DOLPP1: variants seen among roughly 807,000 people sequenced by gnomAD.
DOLPP1 encodes dolichyldiphosphatase 1.
DOLPP1 carries 15 observed loss-of-function variants against 34.1 expected under a neutral mutation model. The ratio of observed to expected loss-of-function variants is 0.44; its 90% CI spans 0.29 to 0.68. DOLPP1 has a LOEUF of 0.68. DOLPP1 is among the 30% of genes least tolerant of loss of function. The probability of loss-of-function intolerance (pLI) is 0.12; values close to 1 mark genes in which losing one functional copy is unlikely to be tolerated. For missense variants in DOLPP1, 249 were observed against 307.1 expected, an observed-to-expected ratio of 0.81 and a Z score of 1.41; for synonymous variants, 130 against 128.2, an observed-to-expected ratio of 1.01 and a Z score of -0.10.
intron 2 of DOLPP1, 22 bp downstream of exon 2, chr9:129,084,790 C>G: frequency 5.2e-6 from 8 of 1,533,838 alleles, no homozygotes; most frequent in Non-Finnish European, 7.2e-6. Flanking sequence ...TTGCCCACAC[C>G]CTCCCCACCC....
intron 7 of DOLPP1, 118 bp downstream of exon 7, chr9:129,086,916 T>C: frequency 3.7e-6 from 3 of 807,884 alleles, no homozygotes; most frequent in South Asian, 3.0e-5. Context: ...CATTAACTCA[T>C]TGAATCCTGC....
At position 129,090,141 on chromosome 9, in the gene DOLPP1, G is replaced by A. The variant is rs1588434361; in HGVS notation, c.*1134G>A. On this transcript the variant is annotated 3_prime_UTR_variant, in exon 8 of 8. Transcript: ENST00000372546. ...TTTGAGGACTGAACTGGGTCACTCGGGATCTGTGTTCGAATCCTCCCCACC... is the reference window on the plus strand; with the variant it reads ...TTTGAGGACTGAACTGGGTCACTCGAGATCTGTGTTCGAATCCTCCCCACC... 1 of 152,684 alleles carries A rather than the reference G, an allele frequency of 6.5e-6. No individual in the cohort carries two copies. Among genetic ancestry groups the A allele is most frequent in the South Asian group, 2.1e-4 (1 of 4,830 alleles). The allele number at this position is 152,684 out of a possible 1,614,324, so 9.5% of individuals were successfully genotyped here.
chr9:129,087,531 T>C (rs1446896261), intron 7 of DOLPP1, among the ~76,000 whole-genome samples: 1 of 152,026 alleles, frequency 6.6e-6, no homozygotes, highest in Non-Finnish European at 1.5e-5. Context: ...TTAGCCAGGA[T>C]GGTCTCAATC....
chr9:129,088,216 A>T (rs1847031008), intron 7 of DOLPP1, among the ~76,000 whole-genome samples: 1 of 151,134 alleles, frequency 6.6e-6, no homozygotes, highest in South Asian at 2.1e-4. Flanking sequence ...AAACGTTCTC[A>T]GCAGAGGGAA....
intron 7 of DOLPP1, among the ~76,000 whole-genome samples, chr9:129,087,327 T>TG (rs1313726486): frequency 5.3e-5 from 8 of 150,278 alleles, no homozygotes; most frequent in Admixed American, 5.3e-4. Context: ...TCTTTTTTTT[T>TG]TTTTTTGAGA....
chr9:129,088,289 G>C (rs944831485), intron 7 of DOLPP1, among the ~76,000 whole-genome samples: 1 of 152,238 alleles, frequency 6.6e-6, no homozygotes, highest in South Asian at 2.1e-4. Context: ...GGCTGCCGGG[G>C]CTGGAGCCCA....
In DOLPP1 at chr9:129,085,148, G is replaced by C; in HGVS notation, c.262+41G>C. ...CGAGGGCCTGAGGTTCCCCCAGGTT[G>C]GGGCGTTACTGGGAGGTCTGCATCC... On this transcript the variant is annotated intron_variant, in intron 3 of 7. Transcript: ENST00000372546. The surrounding 1 kb of genome is among the most constrained non-coding windows in gnomAD (Gnocchi z 7.0). 1 of 1,610,028 alleles carries C rather than the reference G, an allele frequency of 6.2e-7. No homozygotes were observed. Among genetic ancestry groups the C allele is most frequent in the Non-Finnish European group, 8.5e-7 (1 of 1,177,762 alleles).
In DOLPP1 at chr9:129,082,860, C is replaced by T. The variant is rs541312542; in HGVS notation, c.76+1653C>T. The stretch of plus-strand genomic sequence containing the variant: ...CCTGTCTCTACTCCCAGATGCTGTC[C>T]TGATATCTACATTAGTGGATCATGA... On this transcript the variant is annotated intron_variant, in intron 1 of 7. Coordinates refer to ENST00000372546, the MANE Select transcript of DOLPP1 (RefSeq NM_020438.5). Among the ~76,000 whole-genome samples, 3 of 152,204 alleles carry T rather than the reference C, an allele frequency of 2.0e-5. No individual in the cohort carries two copies. The South Asian group carries it at 6.2e-4, about 31-fold the overall frequency.
intron 1 of DOLPP1, among the ~76,000 whole-genome samples, chr9:129,084,057 C>T (rs145487815): frequency 3.2e-4 from 48 of 152,370 alleles, no homozygotes; most frequent in African/African-American, 7.0e-4. Context: ...AGAGAAGTGG[C>T]GCGCAGCTGT....
chr9:129,081,587 C>T (rs1163602012), intron 1 of DOLPP1, among the ~76,000 whole-genome samples: 1 of 152,232 alleles, frequency 6.6e-6, no homozygotes, highest in Non-Finnish European at 1.5e-5. Flanking sequence ...TTCCAGCGTG[C>T]AGGGAGTGTC....
Position 129,090,178 on chromosome 9 carries a change from GGA to G in DOLPP1, c.*1173_*1174del, listed in dbSNP as rs1220538529. 1 of 152,566 alleles carries G rather than the reference GGA, an allele frequency of 6.6e-6. No homozygotes were observed. The highest frequency in any genetic ancestry group is 2.4e-5 in the African/African-American group (1 of 41,408). The allele number at this position is 152,566 out of a possible 1,614,324, so 9.5% of individuals were successfully genotyped here. A position where few individuals can be genotyped will look rare whatever the true frequency, so the allele number is the denominator to read the frequency against. ...GAATCCTCCCCACCCCTTTCTTTGT[GGA>G]GTTTCCTAACCTGCTGCTGAAGCAC... On this transcript the variant is annotated 3_prime_UTR_variant, in exon 8 of 8. Transcript: ENST00000372546.
intron 1 of DOLPP1, among the ~76,000 whole-genome samples, chr9:129,082,184 C>T (rs1488778023): frequency 6.6e-6 from 1 of 152,156 alleles, no homozygotes; most frequent in Non-Finnish European, 1.5e-5. Flanking sequence ...CTGGGAAGGG[C>T]CTGCTCATGC....
intron 1 of DOLPP1, among the ~76,000 whole-genome samples, chr9:129,083,029 T>G (rs1846919528): frequency 6.6e-6 from 1 of 152,140 alleles, no homozygotes; most frequent in Non-Finnish European, 1.5e-5. Flanking sequence ...GGGGAAACTG[T>G]GTGCAAAGGT....
At position 129,084,972 on chromosome 9, in the gene DOLPP1, G is replaced by A. The variant is rs3750336; in HGVS notation, c.178-51G>A. 252 of 1,536,438 alleles carry A rather than the reference G, an allele frequency of 1.6e-4. 3 individuals carry two copies. In the East Asian group the frequency reaches 5.6e-3, roughly 34 times the overall value. ...AGGCCATGGTCTTTGGGACTAGGTA[G>A]CAGCCAACAGGTGCACAGAGGCCCA... On this transcript the variant is annotated intron_variant, in intron 2 of 7. Transcript: ENST00000372546.
At chr9:129,081,239 TC>T (rs1421253154) in intron 1 of DOLPP1, 32 bp downstream of exon 1, 1 of 1,604,146 alleles carries the variant, frequency 6.2e-7, no homozygotes, top group East Asian at 2.3e-5. Context: ...AAGGACGCCT[TC>T]CCAGGGACGG....
chr9:129,083,405 G>A (rs1257267908), intron 1 of DOLPP1, among the ~76,000 whole-genome samples: 2 of 152,188 alleles, frequency 1.3e-5, no homozygotes, highest in Non-Finnish European at 2.9e-5. Flanking sequence ...GTCACCCAGT[G>A]GGACTGTGGC....
chr9:129,088,728 C>T (rs1210738881), intron 7 of DOLPP1, among the ~76,000 whole-genome samples: 1 of 152,230 alleles, frequency 6.6e-6, no homozygotes, highest in Non-Finnish European at 1.5e-5. Flanking sequence ...CTGCTCCAAT[C>T]CCCTGGCTCC....
chr9:129,089,076 AC>A lies in DOLPP1; in HGVS notation c.*70del. ...GATGCCTTGCAGGATGGACAGGATG[AC>A]AGACAGGGACGAAGCAGAGACCTCT... On this transcript the variant is annotated 3_prime_UTR_variant, in exon 8 of 8. Coordinates refer to ENST00000372546, the MANE Select transcript of DOLPP1 (RefSeq NM_020438.5). This position sits in a 1 kb window ranked among gnomAD's most constrained non-coding sequence, Gnocchi z 4.9. The A allele has an allele frequency of 2.6e-6, 4 of 1,533,736 alleles. No homozygotes were observed. Among genetic ancestry groups the A allele is most frequent in the Non-Finnish European group, 2.7e-6 (3 of 1,109,128 alleles).
intron 7 of DOLPP1, among the ~76,000 whole-genome samples, 189 bp from the exon 8 acceptor site, chr9:129,088,782 G>T (rs978608926): frequency 1.6e-4 from 24 of 152,164 alleles, no homozygotes. Context: ...TACAGGCCTC[G>T]CCGGGGAGAT....
Sources: gnomAD v4.1 joint callset for allele counts (sites outside exome capture counted in the v4.1 genomes callset) on GRCh38, gnomAD v4.1.1 for gene constraint, Gnocchi (gnomAD v3.1) non-coding constraint, MANE v1.5 for transcripts, NCBI Gene and HGNC (gene_info 2026-07-23, HGNC 2026-07-21) for gene names.